MEIS2: variants seen among roughly 807,000 people sequenced by gnomAD.
MEIS2 encodes Meis homeobox 2, also known as homeobox protein Meis2.
A neutral mutation model predicts 58.6 loss-of-function variants in MEIS2; 9 were observed. The ratio of observed to expected loss-of-function variants is 0.15; its 90% CI spans 0.09 to 0.27. MEIS2 has a LOEUF of 0.27. Ranked by LOEUF, MEIS2 falls within the 10% of genes least tolerant of loss-of-function variation. MEIS2 has a pLI of 1.00. For synonymous variants in MEIS2, 221 were observed against 228.4 expected, an observed-to-expected ratio of 0.97 and a Z score of 0.29; for missense variants, 427 against 635.0, an observed-to-expected ratio of 0.67 and a Z score of 3.52.
chr15:36,933,289 C>G (rs1339097123), intron 9 of MEIS2, among the ~76,000 whole-genome samples: 1 of 152,066 alleles, frequency 6.6e-6, no homozygotes, highest in African/African-American at 2.4e-5. Flanking sequence ...AAGAAAAAAG[C>G]CCTAAAAATT....
intron 7 of MEIS2, among the ~76,000 whole-genome samples, chr15:37,045,726 G>A (rs563705255): frequency 2.0e-5 from 3 of 152,196 alleles, no homozygotes; most frequent in Non-Finnish European, 2.9e-5. Context: ...TTAACTGTCC[G>A]GACATGTTAA....
At chr15:37,060,617 T>C (rs1378359389) in intron 7 of MEIS2, among the ~76,000 whole-genome samples, 3 of 151,988 alleles carry the variant, frequency 2.0e-5, no homozygotes, top group Non-Finnish European at 4.4e-5. Flanking sequence ...AAAAAAAAAC[T>C]ACATGAGAGA....
intron 8 of MEIS2, among the ~76,000 whole-genome samples, chr15:36,970,581 G>C (rs574907702): frequency 4.6e-5 from 7 of 152,288 alleles, no homozygotes; most frequent in African/African-American, 1.4e-4. Context: ...ACAAATCAGT[G>C]GAAGTGTCCA....
At chr15:37,044,070 T>C (rs1034493324) in intron 7 of MEIS2, among the ~76,000 whole-genome samples, 1 of 152,200 alleles carries the variant, frequency 6.6e-6, no homozygotes, top group African/African-American at 2.4e-5. Context: ...GATGTTCCAA[T>C]CCTTATTTAA....
At chr15:37,078,222 A>T (rs1357083652) in intron 7 of MEIS2, among the ~76,000 whole-genome samples, 1 of 152,050 alleles carries the variant, frequency 6.6e-6, no homozygotes, top group East Asian at 1.9e-4. Context: ...AGAACTGGAC[A>T]GAGAAACCCT....
chr15:37,074,210 C>T (rs958839696), intron 7 of MEIS2, among the ~76,000 whole-genome samples: 2 of 151,888 alleles, frequency 1.3e-5, no homozygotes, highest in Admixed American at 6.6e-5. Flanking sequence ...ATAGAACAGT[C>T]TATTGGTATT....
chr15:37,095,409 G>T (rs1009634423), intron 4 of MEIS2, among the ~76,000 whole-genome samples, 155 bp downstream of exon 4: 2 of 152,200 alleles, frequency 1.3e-5, no homozygotes, highest in East Asian at 1.9e-4. Flanking sequence ...GCCAGCTCCC[G>T]TGCGGGGGCT....
chr15:36,933,746 T>A (rs562591622), intron 9 of MEIS2, among the ~76,000 whole-genome samples: 6 of 152,186 alleles, frequency 3.9e-5, no homozygotes, highest in Non-Finnish European at 8.8e-5. Context: ...TCTATTTATA[T>A]GACTTTCCAA....
chr15:36,990,039 G>A (rs2060218126), intron 8 of MEIS2, among the ~76,000 whole-genome samples: 1 of 152,116 alleles, frequency 6.6e-6, no homozygotes, highest in South Asian at 2.1e-4. Flanking sequence ...CCGCCTCCCG[G>A]GTTCATGCCA....
At chr15:36,989,028 G>C (rs757237974) in intron 8 of MEIS2, among the ~76,000 whole-genome samples, 11 of 152,186 alleles carry the variant, frequency 7.2e-5, no homozygotes, top group Non-Finnish European at 1.5e-4. Context: ...AAGACAGCCA[G>C]CTTCTATAAA....
chr15:37,074,350 G>A (rs7170438), intron 7 of MEIS2, among the ~76,000 whole-genome samples: 92,223 of 151,826 alleles, frequency 0.61, 28,741 homozygotes, highest in South Asian at 0.68. Flanking sequence ...CCAAAAACAA[G>A]AAACAGAAAT....
At chr15:37,078,288 A>G (rs889787954) in intron 7 of MEIS2, among the ~76,000 whole-genome samples, 3 of 152,088 alleles carry the variant, frequency 2.0e-5, no homozygotes, top group African/African-American at 7.2e-5. Flanking sequence ...GTGGGAATGC[A>G]TGCCGGTGAG....
At chr15:37,046,354 C>A (rs2062670022) in intron 7 of MEIS2, among the ~76,000 whole-genome samples, 1 of 152,072 alleles carries the variant, frequency 6.6e-6, no homozygotes, top group Non-Finnish European at 1.5e-5. Context: ...AGCTAACCTT[C>A]CAGAAGAGAA....
intron 9 of MEIS2, among the ~76,000 whole-genome samples, chr15:36,913,592 A>C (rs1039500081): frequency 2.0e-5 from 3 of 152,222 alleles, no homozygotes; most frequent in Non-Finnish European, 4.4e-5. Context: ...AGAGTAAAAA[A>C]AATAATTTTA....
chr15:37,042,984 C>T (rs896894707), intron 7 of MEIS2, among the ~76,000 whole-genome samples: 6 of 152,122 alleles, frequency 3.9e-5, no homozygotes, highest in Non-Finnish European at 7.3e-5. Flanking sequence ...GTGATTACAA[C>T]GATATATTCA....
At chr15:37,066,791 T>G (rs1305846323) in intron 7 of MEIS2, among the ~76,000 whole-genome samples, 2 of 152,148 alleles carry the variant, frequency 1.3e-5, no homozygotes, top group Non-Finnish European at 2.9e-5. Context: ...CTTTATTTTT[T>G]GTAGAGATGT....
chr15:36,944,643 A>T (rs2058495683), intron 9 of MEIS2, among the ~76,000 whole-genome samples: 1 of 152,124 alleles, frequency 6.6e-6, no homozygotes, highest in South Asian at 2.1e-4. Flanking sequence ...CAGTTTCAGC[A>T]CATTAAATGC....
chr15:37,085,480 T>G (rs1261575442), intron 6 of MEIS2, among the ~76,000 whole-genome samples: 1 of 152,164 alleles, frequency 6.6e-6, no homozygotes, highest in African/African-American at 2.4e-5. Flanking sequence ...CAAAACTTAT[T>G]TTTCCCCCTA....
At chr15:37,010,223 G>A (rs2061088016) in intron 8 of MEIS2, among the ~76,000 whole-genome samples, 1 of 151,936 alleles carries the variant, frequency 6.6e-6, no homozygotes. Context: ...GAGTAGCTGG[G>A]ACTACAGGCA....
Sources: allele counts gnomAD v4.1 joint callset (sites outside exome capture counted in the v4.1 genomes callset), GRCh38; gene constraint gnomAD v4.1.1; transcripts MANE v1.5; gene names NCBI Gene and HGNC (gene_info 2026-07-23, HGNC 2026-07-21).